Variants in PTPRG observed in about 807,000 individuals in gnomAD.
The protein encoded by PTPRG is receptor-type tyrosine-protein phosphatase gamma.
Under a neutral mutation model 165.3 loss-of-function variants are expected in PTPRG, and 102 were observed. That is an observed-to-expected ratio of 0.62 (90% confidence interval 0.53 to 0.73). The LOEUF (loss-of-function observed/expected upper bound fraction) is 0.73, where lower values mean the gene tolerates loss of function less well. Among genes scored for constraint, PTPRG ranks in the 30% least tolerant of loss-of-function variants. PTPRG has a pLI of 0.00. For synonymous variants in PTPRG, 675 were observed against 669.5 expected, an observed-to-expected ratio of 1.01 and a Z score of -0.13; for missense variants, 1,866 against 1,861.4, an observed-to-expected ratio of 1.00 and a Z score of -0.05.
chr3:62,055,317 G>A (rs886343203), intron 4 of PTPRG, among the ~76,000 whole-genome samples: 1 of 152,154 alleles, frequency 6.6e-6, no homozygotes, highest in African/African-American at 2.4e-5. Flanking sequence ...AAATGTAAAG[G>A]CATCACAGAA....
At chr3:61,992,067 A>G (rs886282042) in intron 3 of PTPRG, among the ~76,000 whole-genome samples, 2 of 152,206 alleles carry the variant, frequency 1.3e-5, no homozygotes, top group African/African-American at 2.4e-5. Context: ...TCAGAAGCAC[A>G]GTGTTCTGAG....
intron 2 of PTPRG, among the ~76,000 whole-genome samples, chr3:61,816,982 A>C (rs1478534030): frequency 7.5e-6 from 1 of 132,996 alleles, no homozygotes; most frequent in Non-Finnish European, 1.5e-5. Flanking sequence ...ACTTATATAT[A>C]TATTATATAT....
At chr3:61,667,269 C>G (rs914016332) in intron 1 of PTPRG, among the ~76,000 whole-genome samples, 1 of 152,330 alleles carries the variant, frequency 6.6e-6, no homozygotes, top group East Asian at 1.9e-4. Flanking sequence ...GTGGGACATT[C>G]TAACCTCGAT....
chr3:61,900,035 T>C (rs1398843381), intron 2 of PTPRG, among the ~76,000 whole-genome samples: 1 of 152,240 alleles, frequency 6.6e-6, no homozygotes. Flanking sequence ...ATGTCTGTTT[T>C]TTAAAAAATG....
In PTPRG at chr3:61,635,093, TC is replaced by T. The variant is rs1323415922; in HGVS notation, c.85+72723del. ...ACCTTGTTAAATTCACATATGGACT[TC>T]CTGAGCATGCAATAAAGACTTAACT... On this transcript the variant is annotated intron_variant, in intron 1 of 29. Transcript: ENST00000474889. 4.6e-5 allele frequency among the ~76,000 whole-genome samples: 7 copies of T among 152,224 alleles called. No individual in the cohort carries two copies. The East Asian group carries it at 1.4e-3, about 29-fold the overall frequency.
intron 5 of PTPRG, among the ~76,000 whole-genome samples, chr3:62,086,855 C>G (rs1461697202): frequency 6.8e-6 from 1 of 146,224 alleles, no homozygotes; most frequent in Non-Finnish European, 1.5e-5. Context: ...TATAGCCTAT[C>G]AGGTGTTTTC....
At chr3:62,085,897 C>T (rs1701737587) in intron 5 of PTPRG, among the ~76,000 whole-genome samples, 1 of 152,166 alleles carries the variant, frequency 6.6e-6, no homozygotes, top group Non-Finnish European at 1.5e-5. Flanking sequence ...AGTTGAGGGA[C>T]AGTAAGTTTT....
chr3:62,091,195 C>T (rs1391772166), intron 5 of PTPRG, among the ~76,000 whole-genome samples: 1 of 152,220 alleles, frequency 6.6e-6, no homozygotes, highest in Non-Finnish European at 1.5e-5. Context: ...CAAATATACA[C>T]ATCCTCCTGG....
Position 61,639,606 on chromosome 3 carries a change from T to C in PTPRG, c.85+77234T>C, listed in dbSNP as rs371975509. 1.9e-4 allele frequency among the ~76,000 whole-genome samples: 29 copies of C among 152,310 alleles called. No individual in the cohort carries two copies. The South Asian group carries it at 5.6e-3, about 29-fold the overall frequency. On this transcript the variant is annotated intron_variant, in intron 1 of 29. Coordinates refer to ENST00000474889, the MANE Select transcript of PTPRG (RefSeq NM_002841.4). Reference sequence around the variant, plus strand: ...TTTTTTCAGCAGTATTTCGTACTTCTTGTAGCAATCTTTCACCTGCTTGAT... The same window carrying C: ...TTTTTTCAGCAGTATTTCGTACTTCCTGTAGCAATCTTTCACCTGCTTGAT...
chr3:62,122,957 A>G (rs1345807289), intron 5 of PTPRG, among the ~76,000 whole-genome samples: 4 of 152,212 alleles, frequency 2.6e-5, no homozygotes, highest in Admixed American at 2.6e-4. Context: ...CATCAGTTCT[A>G]TGAGGGCAGA....
chr3:62,092,035 TC>T (rs1369067000), intron 5 of PTPRG, among the ~76,000 whole-genome samples: 1 of 149,694 alleles, frequency 6.7e-6, no homozygotes, highest in Non-Finnish European at 1.5e-5. Context: ...GTGGTCCCTA[TC>T]ATTAGGGAGG....
chr3:61,984,926 G>A (rs755165119), intron 2 of PTPRG, among the ~76,000 whole-genome samples: 3 of 152,198 alleles, frequency 2.0e-5, no homozygotes, highest in East Asian at 1.9e-4. Flanking sequence ...TTTGTCTGAT[G>A]TATTCCCCAT....
intron 4 of PTPRG, among the ~76,000 whole-genome samples, chr3:62,059,992 T>A (rs919224950): frequency 2.0e-5 from 3 of 152,078 alleles, no homozygotes; most frequent in Non-Finnish European, 4.4e-5. Context: ...CTTTATAAAT[T>A]ACCAGTCTTG....
intron 2 of PTPRG, among the ~76,000 whole-genome samples, chr3:61,976,947 A>G (rs1310417116): frequency 6.6e-6 from 1 of 152,080 alleles, no homozygotes; most frequent in African/African-American, 2.4e-5. Flanking sequence ...AAGTGCTGCA[A>G]TTACAGGTGT....
At chr3:62,192,930 G>A (rs904754096) in intron 9 of PTPRG, among the ~76,000 whole-genome samples, 6 of 152,110 alleles carry the variant, frequency 3.9e-5, no homozygotes, top group Non-Finnish European at 5.9e-5. Flanking sequence ...ATCAGTTATA[G>A]AATAATACTT....
At chr3:61,587,978 T>G (rs1700475607) in intron 1 of PTPRG, among the ~76,000 whole-genome samples, 1 of 151,944 alleles carries the variant, frequency 6.6e-6, no homozygotes, top group South Asian at 2.1e-4. Flanking sequence ...TTTTTAAACT[T>G]TTTTTCTGGT....
intron 5 of PTPRG, among the ~76,000 whole-genome samples, chr3:62,129,928 C>G (rs1703450643): frequency 6.6e-6 from 1 of 152,184 alleles, no homozygotes; most frequent in Admixed American, 6.5e-5. Flanking sequence ...ACTTTTAAGA[C>G]AAACCGTAAG....
chr3:61,791,934 G>C (rs2034888296), intron 2 of PTPRG, among the ~76,000 whole-genome samples: 1 of 152,136 alleles, frequency 6.6e-6, no homozygotes, highest in Non-Finnish European at 1.5e-5. Flanking sequence ...TTTAGATTTT[G>C]TTAATGATGT....
chr3:61,981,511 G>A (rs1463347343), intron 2 of PTPRG, among the ~76,000 whole-genome samples: 4 of 152,192 alleles, frequency 2.6e-5, no homozygotes, highest in African/African-American at 9.7e-5. Flanking sequence ...TTGGATGTGT[G>A]TTCCTAGAGG....
Sources: gnomAD v4.1 joint callset for allele counts (sites outside exome capture counted in the v4.1 genomes callset) on GRCh38, gnomAD v4.1.1 for gene constraint, MANE v1.5 for transcripts, NCBI Gene and HGNC (gene_info 2026-07-23, HGNC 2026-07-21) for gene names.